Variants in VWDE observed in about 807,000 individuals in gnomAD.
VWDE encodes von Willebrand factor D and EGF domains.
VWDE carries 207 observed loss-of-function variants against 178.4 expected under a neutral mutation model. That is an observed-to-expected ratio of 1.16 (90% CI 1.04 to 1.30). The LOEUF (loss-of-function observed/expected upper bound fraction) is 1.30. Among genes scored for constraint, VWDE ranks in the 50% most tolerant of loss-of-function variants. VWDE has a pLI of 0.00. For synonymous variants in VWDE, 738 were observed against 651.4 expected, an observed-to-expected ratio of 1.13 and a Z score of -2.02; for missense variants, 2,287 against 1,901.3, an observed-to-expected ratio of 1.20 and a Z score of -3.77.
rs1194243005 is a variant in VWDE, at chr7:12,369,753, T to C, written c.2553A>G (p.Ala851=). Residue 851 remains alanine (A), a synonymous_variant, in exon 12 of 29, where the codon GCA becomes GCG. Transcript: ENST00000275358. ...DVLLKDDLSW[A]EAGVALLENE... is the part of the protein sequence containing the mutation. ...TTTCTAAAAGGGCCACACCTGCTTC[T>C]GCCCAACTAAGATCATCTTTTAACA... 1 of 1,551,498 alleles carries C rather than the reference T, an allele frequency of 6.4e-7. No homozygotes were observed. Among genetic ancestry groups the C allele is most frequent in the Non-Finnish European group, 8.7e-7 (1 of 1,146,916 alleles).
chr7:12,373,014 A>C lies in VWDE; in HGVS notation c.1550T>G (p.Ile517Ser), dbSNP rs1178078825. 17 of 1,551,092 alleles carry C rather than the reference A, an allele frequency of 1.1e-5. No homozygotes were observed. The highest frequency in any genetic ancestry group is 2.0e-5 in the Admixed American group (1 of 50,956). Residue 517 changes from isoleucine (I) to serine (S), a missense_variant, in exon 10 of 29, where the codon ATC becomes AGC. Ile to Ser is a moderately radical substitution (Grantham distance 142, BLOSUM62 -2). Coordinates refer to ENST00000275358, the MANE Select transcript of VWDE (RefSeq NM_001135924.3). ...FIKSQDVTRN[I>S]KISESYLGRK... ...TCCTAAGTAAGATTCACTTATCTTG[A>C]TATTCCTGGTTACATCTTGGCTTTT...
intron 26 of VWDE, 118 bp downstream of exon 26, chr7:12,336,870 A>T: frequency 2.2e-6 from 2 of 916,806 alleles, no homozygotes; most frequent in Non-Finnish European, 3.2e-6. Flanking sequence ...AAGAATAAAT[A>T]TGCAAAAATT....
chr7:12,403,841 CAGGGA>C lies in VWDE; in HGVS notation c.-130_-126del. 1.9e-6 allele frequency: 2 copies of C among 1,030,716 alleles called. No individual in the cohort carries two copies. Among genetic ancestry groups the C allele is most frequent in the Non-Finnish European group, 2.8e-6 (2 of 703,784 alleles). 63.8% of individuals were successfully genotyped at this position (1,030,716 alleles called of 1,614,324 possible). A position where few individuals can be genotyped will look rare whatever the true frequency, so the allele number is the denominator to read the frequency against. ...TTTCTCAGTCTGTTGCTGCTTGGAACAGGGAAGCTCCGCGTCCTCGTTCTGGGGTG... is the reference window on the plus strand; with the variant it reads ...TTTCTCAGTCTGTTGCTGCTTGGAACAGCTCCGCGTCCTCGTTCTGGGGTG... On this transcript the variant is annotated 5_prime_UTR_variant, in exon 1 of 29. Transcript: ENST00000275358.
At chr7:12,332,943 A>AT (rs568897756) in intron 28 of VWDE, among the ~76,000 whole-genome samples, 72 of 144,368 alleles carry the variant, frequency 5.0e-4, no homozygotes, top group Middle Eastern at 3.5e-3. Flanking sequence ...ACTTTAAGAC[A>AT]TTTTTGAGAG....
chr7:12,338,914 T>C (rs1475422250), intron 24 of VWDE, among the ~76,000 whole-genome samples: 6 of 152,176 alleles, frequency 3.9e-5, no homozygotes, highest in Admixed American at 3.9e-4. Flanking sequence ...ATAGTATATG[T>C]TTTTCATATG....
At chr7:12,352,711 TG>T (rs1782009662) in intron 18 of VWDE, among the ~76,000 whole-genome samples, 1 of 152,194 alleles carries the variant, frequency 6.6e-6, no homozygotes, top group African/African-American at 2.4e-5. Context: ...TCTGTGGGGC[TG>T]GGCAGGCTCA....
chr7:12,360,887 A>G (rs544765372), intron 15 of VWDE, among the ~76,000 whole-genome samples: 2 of 152,306 alleles, frequency 1.3e-5, no homozygotes, highest in South Asian at 4.1e-4. Context: ...TGTAGGTAGG[A>G]GTGAAGTAGT....
rs1253355057 is a variant in VWDE at position 12,380,600 on chromosome 7, T to C, written c.675A>G (p.Ile225Met). The stretch of plus-strand genomic sequence containing the variant: ...CTTGAGAAGAAAGCCTAGACCAAGC[T>C]ATGTGAAATCCCACTGAGTTTTTTG... ...PATKNSVGFH[I>M]AWSRLSSQEV... Residue 225 changes from isoleucine (I) to methionine (M), a missense_variant, in exon 5 of 29, where the codon ATA (isoleucine) becomes ATG (methionine). Physicochemically the swap from Ile to Met is conservative, Grantham distance 10. Coordinates refer to ENST00000275358, the MANE Select transcript of VWDE (RefSeq NM_001135924.3). 6.4e-7 allele frequency: 1 copy of C among 1,552,208 alleles called. No individual in the cohort carries two copies. The highest frequency in any genetic ancestry group is 8.7e-7 in the Non-Finnish European group (1 of 1,147,144).
In VWDE at chr7:12,336,320, G is replaced by GA. The variant is rs376084422; in HGVS notation, c.4559-85dup. ...AACCCACAAAACTTTTCATTAGAGA[G>GA]AAAAAAAGAAATAGTTACAAGTAAG... On this transcript the variant is annotated intron_variant, in intron 26 of 28. Coordinates refer to ENST00000275358, the MANE Select transcript of VWDE (RefSeq NM_001135924.3). 28 of 1,128,220 alleles carry GA rather than the reference G, an allele frequency of 2.5e-5. No individual in the cohort carries two copies. The African/African-American group carries it at 3.0e-4, about 12-fold the overall frequency. The allele number at this position is 1,128,220 out of a possible 1,614,324, so 69.9% of individuals were successfully genotyped here. A position where few individuals can be genotyped will look rare whatever the true frequency, so the allele number is the denominator to read the frequency against.
rs1782919231 is a variant in VWDE, at chr7:12,367,394, TCTTTGAAGC to T, written c.2852_2860del (p.Gly951_Lys953del). On this transcript the variant is annotated inframe_deletion, in exon 13 of 29. Transcript: ENST00000275358. Reference sequence around the variant, plus strand: ...AACTTCACATTTAATTGAAGGTAATTCTTTGAAGCCTTTGCCAAAAACTCTCACCATCAT... The same window carrying T: ...AACTTCACATTTAATTGAAGGTAATTCTTTGCCAAAAACTCTCACCATCAT... 6.5e-7 allele frequency: 1 copy of T among 1,546,874 alleles called. No homozygotes were observed. Among genetic ancestry groups the T allele is most frequent in the Admixed American group, 2.0e-5 (1 of 50,394 alleles).
intron 24 of VWDE, among the ~76,000 whole-genome samples, chr7:12,337,667 C>T (rs1781118132): frequency 6.6e-6 from 1 of 152,124 alleles, no homozygotes; most frequent in African/African-American, 2.4e-5. Context: ...CAACAATTTT[C>T]CACATATTTA....
chr7:12,374,191 T>G (rs1335567788), intron 9 of VWDE, among the ~76,000 whole-genome samples: 1 of 152,144 alleles, frequency 6.6e-6, no homozygotes, highest in African/African-American at 2.4e-5. Flanking sequence ...CTTTTTGGTC[T>G]TTTGCCTATT....
rs1422781300 is a variant in VWDE at position 12,370,720 on chromosome 7, C to A, written c.1732G>T (p.Asp578Tyr). The A allele has an allele frequency of 4.5e-6, 7 of 1,550,996 alleles. No homozygotes were observed. In the African/African-American group the frequency reaches 8.2e-5, roughly 18 times the overall value. ...TGATCAATTTGCATCCCATTTTTGTCATGGAAATCATTTTCCGGATTTTCA... is the reference window on the plus strand; with the variant it reads ...TGATCAATTTGCATCCCATTTTTGTAATGGAAATCATTTTCCGGATTTTCA... The part of the protein sequence containing the change: ...FDENPENDFH[D>Y]KNGMQIDQNF... Residue 578 changes from aspartate (D) to tyrosine (Y), a missense_variant, in exon 11 of 29, where the codon GAC (aspartate) becomes TAC (tyrosine). Physicochemically the swap from Asp to Tyr is radical, Grantham distance 160 (BLOSUM62 -3). Transcript: ENST00000275358.
At chr7:12,339,612 G>A (rs1045827935) in intron 24 of VWDE, among the ~76,000 whole-genome samples, 2 of 152,022 alleles carry the variant, frequency 1.3e-5, no homozygotes, top group African/African-American at 2.4e-5. Flanking sequence ...AAAGTGCATC[G>A]TGGCAAGGAA....
At chr7:12,351,774 A>G in intron 18 of VWDE, 61 bp from the exon 19 acceptor site, 1 of 1,409,304 alleles carries the variant, frequency 7.1e-7, no homozygotes, top group Admixed American at 2.5e-5. Flanking sequence ...AAAGCACCAC[A>G]AATAAGAATA....
At position 12,333,492 on chromosome 7, in the gene VWDE, A is replaced by G; in HGVS notation, c.4731T>C (p.Ser1577=). ...GTATTTTCTTCTCACATTTGACTCC[A>G]GAGTATTCAGTGCGGCAGGAACACA... is the stretch of plus-strand genomic sequence containing the variant. ...PNVCSCRTEY[S]GVKCEKKIQI... is the part of the protein sequence containing the mutation. Residue 1577 remains serine, a synonymous_variant, in exon 28 of 29, where the codon TCT becomes TCC. Coordinates refer to ENST00000275358, the MANE Select transcript of VWDE (RefSeq NM_001135924.3). 1 of 1,550,344 alleles carries G rather than the reference A, an allele frequency of 6.5e-7. No homozygotes were observed. The highest frequency in any genetic ancestry group is 8.7e-7 in the Non-Finnish European group (1 of 1,146,104).
At chr7:12,341,648 C>T (rs1386036320) in intron 23 of VWDE, among the ~76,000 whole-genome samples, 1 of 151,638 alleles carries the variant, frequency 6.6e-6, no homozygotes, top group Non-Finnish European at 1.5e-5. Flanking sequence ...AAAAAAAAGC[C>T]TAATACTGTG....
rs576469048 is a variant in VWDE at position 12,342,251 on chromosome 7, C to T, written c.4175-97G>A. 6 of 790,152 alleles carry T rather than the reference C, an allele frequency of 7.6e-6. 1 individual carries two copies. In the South Asian group the frequency reaches 1.4e-4, roughly 18 times the overall value. 48.9% of individuals were successfully genotyped at this position (790,152 alleles called of 1,614,324 possible). A position where few individuals can be genotyped will look rare whatever the true frequency, so the allele number is the denominator to read the frequency against. On this transcript the variant is annotated intron_variant, in intron 22 of 28. Coordinates refer to ENST00000275358, the MANE Select transcript of VWDE (RefSeq NM_001135924.3). ...AGCTCATAACTGCTAATCACATCTG[C>T]TAATTAATAAGATTGCAGAGAAAGA...
At chr7:12,387,628 T>A (rs192519613) in intron 3 of VWDE, among the ~76,000 whole-genome samples, 1 of 152,112 alleles carries the variant, frequency 6.6e-6, no homozygotes, top group South Asian at 2.1e-4. Context: ...AAACTATGTT[T>A]CCTTTTAACT....
Sources: gnomAD v4.1 joint callset for allele counts (sites outside exome capture counted in the v4.1 genomes callset) on GRCh38, gnomAD v4.1.1 for gene constraint, MANE v1.5 for transcripts, NCBI Gene and HGNC (gene_info 2026-07-23, HGNC 2026-07-21) for gene names.